The following MAVS variants were observed in gnomAD, a reference collection of about 807,000 sequenced individuals.
MAVS encodes the protein mitochondrial antiviral-signaling protein.
Under a neutral mutation model 30.2 loss-of-function variants are expected in MAVS, and 20 were observed. That is an observed-to-expected ratio of 0.66 (90% confidence interval 0.47 to 0.96). MAVS has a LOEUF of 0.96. Ranked by LOEUF, MAVS falls within the 40% of genes least tolerant of loss-of-function variation. MAVS has a pLI of 0.00. For missense variants in MAVS, 624 were observed against 701.1 expected, an observed-to-expected ratio of 0.89 and a Z score of 1.24; for synonymous variants, 278 against 293.9, an observed-to-expected ratio of 0.95 and a Z score of 0.55.
rs2089792528 is a variant in MAVS at position 3,854,563 on chromosome 20, T to C, written c.-62T>C. On this transcript the variant is annotated 5_prime_UTR_variant, in exon 2 of 7. Coordinates refer to ENST00000428216, the MANE Select transcript of MAVS (RefSeq NM_020746.5). ...TGTGATCTGTTTTCTTCCAGTCTCG[T>C]TTCCTCTCAGTCCATCCACCCTTCA... 8.4e-7 allele frequency: 1 copy of C among 1,189,456 alleles called. No homozygotes were observed. 73.7% of individuals were successfully genotyped at this position (1,189,456 alleles called of 1,614,324 possible).
Position 3,861,416 on chromosome 20 carries a change from A to C in MAVS, c.377A>C (p.His126Pro). Residue 126 changes from histidine to proline, a missense_variant, in exon 4 of 7, where the codon CAC becomes CCC. Transcript: ENST00000428216. The stretch of plus-strand genomic sequence containing the variant: ...GGGCCCCCCACACCTGCTGCGGCCC[A>C]CAGCATCCCCTACAACAGCTGCAGA... ...RPGPPTPAAAHSIPYNSCREK... is the reference protein window; with the variant it reads ...RPGPPTPAAAPSIPYNSCREK... 3.7e-6 allele frequency: 6 copies of C among 1,614,004 alleles called. No individual in the cohort carries two copies. The highest frequency in any genetic ancestry group is 5.1e-6 in the Non-Finnish European group (6 of 1,179,954).
chr20:3,875,923 C>G lies in MAVS; in HGVS notation c.*9776C>G, dbSNP rs745922082. On this transcript the variant is annotated 3_prime_UTR_variant, in exon 7 of 7. Coordinates refer to ENST00000428216, the MANE Select transcript of MAVS (RefSeq NM_020746.5). Reference sequence around the variant, plus strand: ...TGTATTTAACATAAGAAAGAAAAACCCTTTCATTATCACATACAGCTGGAA... The same window carrying G: ...TGTATTTAACATAAGAAAGAAAAACGCTTTCATTATCACATACAGCTGGAA... 6 of 152,450 alleles carry G rather than the reference C, an allele frequency of 3.9e-5. No homozygotes were observed. The highest frequency in any genetic ancestry group is 2.1e-4 in the South Asian group (1 of 4,824). 9.4% of individuals were successfully genotyped at this position (152,450 alleles called of 1,614,324 possible). A position where few individuals can be genotyped will look rare whatever the true frequency, so the allele number is the denominator to read the frequency against.
chr20:3,854,573 GTCCA>G lies in MAVS; in HGVS notation c.-47_-44del. On this transcript the variant is annotated 5_prime_UTR_variant, in exon 2 of 7. Coordinates refer to ENST00000428216, the MANE Select transcript of MAVS (RefSeq NM_020746.5). ...TTTCTTCCAGTCTCGTTTCCTCTCAGTCCATCCACCCTTCATGGGGCCAGAGCCC... is the reference window on the plus strand; with the variant it reads ...TTTCTTCCAGTCTCGTTTCCTCTCAGTCCACCCTTCATGGGGCCAGAGCCC... 1 of 1,317,928 alleles carries G rather than the reference GTCCA, an allele frequency of 7.6e-7. No homozygotes were observed. The highest frequency in any genetic ancestry group is 1.1e-6 in the Non-Finnish European group (1 of 921,970). 81.6% of individuals were successfully genotyped at this position (1,317,928 alleles called of 1,614,324 possible). A position where few individuals can be genotyped will look rare whatever the true frequency, so the allele number is the denominator to read the frequency against.
rs766733618 is a variant in MAVS at position 3,864,267 on chromosome 20, A to G, written c.637A>G (p.Ser213Gly). 6.2e-7 allele frequency: 1 copy of G among 1,605,136 alleles called. No individual in the cohort carries two copies. The highest frequency in any genetic ancestry group is 1.3e-5 in the African/African-American group (1 of 74,634). Residue 213 changes from serine to glycine, a missense_variant, in exon 6 of 7, where the codon AGC (serine) becomes GGC (glycine). Transcript: ENST00000428216. ...TTTTCCACCGGCAGGTGCGACCTCC[A>G]GCCTCACACCATCCCGTGGGCCTGT... ...GSTHTAGATSSLTPSRGPVSP... is the reference protein window; with the variant it reads ...GSTHTAGATSGLTPSRGPVSP...
In MAVS at chr20:3,848,309, G is replaced by T. The variant is rs1378891161; in HGVS notation, c.-68+1406G>T. On this transcript the variant is annotated intron_variant, in intron 1 of 6. Transcript: ENST00000428216. The stretch of plus-strand genomic sequence containing the variant: ...AGACGGGGTTTCACCATGTTGGCCA[G>T]GCTGGTCTCAAACTCCTGACCTCAA... Among the ~76,000 whole-genome samples the T allele has an allele frequency of 2.0e-5, 3 of 152,134 alleles. No individual in the cohort carries two copies. In the East Asian group the frequency reaches 5.8e-4, roughly 29 times the overall value.
Position 3,874,427 on chromosome 20 carries a change from T to G in MAVS, c.*8280T>G. 1 of 391,502 alleles carries G rather than the reference T, an allele frequency of 2.6e-6. No homozygotes were observed. The highest frequency in any genetic ancestry group is 4.5e-6 in the Non-Finnish European group (1 of 221,840). The allele number at this position is 391,502 out of a possible 1,614,324, so 24.3% of individuals were successfully genotyped here. On this transcript the variant is annotated 3_prime_UTR_variant, in exon 7 of 7. Coordinates refer to ENST00000428216, the MANE Select transcript of MAVS (RefSeq NM_020746.5). ...GCAGAGAGGCCATTTGGTCAAAGTT[T>G]GCAAAGGAGTCAGCCATGATTGCTT...
At chr20:3,862,552 C>T in intron 5 of MAVS, 139 bp downstream of exon 5, 1 of 883,196 alleles carries the variant, frequency 1.1e-6, no homozygotes, top group South Asian at 2.2e-5. Flanking sequence ...AAACCAGTTC[C>T]TTAGTGGGTG....
chr20:3,862,652 C>T (rs1302017511), intron 5 of MAVS, among the ~76,000 whole-genome samples: 1 of 152,144 alleles, frequency 6.6e-6, no homozygotes, highest in Non-Finnish European at 1.5e-5. Flanking sequence ...ATTTATTTAG[C>T]ATATGATCCT....
Position 3,854,679 on chromosome 20 carries a change from T to G in MAVS, c.55T>G (p.Phe19Val). The change falls in exon 2 of 7, where the codon TTT (phenylalanine) becomes GTT (valine). Residue 19 changes from phenylalanine to valine, a missense_variant. Transcript: ENST00000428216. ...GTATATCTGCCGCAATTTCAGCAAT[T>G]TTTGCAATGTGGATGTTGTAGAGAT... ...YKYICRNFSN[F>V]CNVDVVEILP... 1 of 1,613,914 alleles carries G rather than the reference T, an allele frequency of 6.2e-7. No homozygotes were observed. The highest frequency in any genetic ancestry group is 1.3e-5 in the African/African-American group (1 of 74,998).
chr20:3,853,131 G>A (rs1218551181), intron 1 of MAVS, among the ~76,000 whole-genome samples: 2 of 144,384 alleles, frequency 1.4e-5, no homozygotes, highest in Non-Finnish European at 3.0e-5. Flanking sequence ...GAGCCACCGC[G>A]CCCGGGTTCT....
At chr20:3,858,481 C>T (rs2089832445) in intron 3 of MAVS, among the ~76,000 whole-genome samples, 1 of 151,910 alleles carries the variant, frequency 6.6e-6, no homozygotes, top group Non-Finnish European at 1.5e-5. Flanking sequence ...AGATGGAGAC[C>T]ACCCTGGCTA....
intron 1 of MAVS, 117 bp from the exon 2 acceptor site, chr20:3,854,441 A>AAAAAAAATAT: frequency 2.7e-6 from 1 of 373,626 alleles, no homozygotes. Context: ...AAAAAAAAGA[A>AAAAAAAATAT]GAAATTAAAG....
intron 1 of MAVS, among the ~76,000 whole-genome samples, chr20:3,850,094 CG>C (rs2089744540): frequency 6.7e-6 from 1 of 149,464 alleles, no homozygotes; most frequent in South Asian, 2.1e-4. Flanking sequence ...CTGGCTAACA[CG>C]GTGAAACCTG....
intron 1 of MAVS, among the ~76,000 whole-genome samples, chr20:3,852,453 T>A (rs973460772): frequency 1.3e-5 from 2 of 152,184 alleles, no homozygotes; most frequent in African/African-American, 4.8e-5. Context: ...GTTCACTTTT[T>A]ATTTTTTCAG....
rs137912639 is a variant in MAVS at position 3,849,145 on chromosome 20, A to G, written c.-68+2242A>G. 1.1e-4 allele frequency among the ~76,000 whole-genome samples: 17 copies of G among 150,712 alleles called. No homozygotes were observed. In the East Asian group the frequency reaches 2.7e-3, roughly 24 times the overall value. ...AGAGTCCTTTCCTACAGCACTCTAC[A>G]TGAGTGGCCCCTGCCACCTCCTTGA... is the stretch of plus-strand genomic sequence containing the variant. On this transcript the variant is annotated intron_variant, in intron 1 of 6. Coordinates refer to ENST00000428216, the MANE Select transcript of MAVS (RefSeq NM_020746.5).
Position 3,874,190 on chromosome 20 carries a change from T to C in MAVS, c.*8043T>C, listed in dbSNP as rs180746520. ...GTCCTCATCATCAAGAGAGAATTCATTGTATGATTCTCTTCCTACAAAAAG... is the reference window on the plus strand; with the variant it reads ...GTCCTCATCATCAAGAGAGAATTCACTGTATGATTCTCTTCCTACAAAAAG... On this transcript the variant is annotated 3_prime_UTR_variant, in exon 7 of 7. Transcript: ENST00000428216. 4.5e-5 allele frequency: 18 copies of C among 398,584 alleles called. No individual in the cohort carries two copies. The highest frequency in any genetic ancestry group is 3.3e-4 in the African/African-American group (16 of 48,740). The allele number at this position is 398,584 out of a possible 1,614,324, so 24.7% of individuals were successfully genotyped here.
rs1246595491 is a variant in MAVS at position 3,872,853 on chromosome 20, C to T, written c.*6706C>T. On this transcript the variant is annotated 3_prime_UTR_variant, in exon 7 of 7. Transcript: ENST00000428216. ...TATTTGCACCTACATGTGCAGAGCA[C>T]TGTGATAGGCCTCAGTGACACAGAA... 6.6e-6 allele frequency: 1 copy of T among 152,284 alleles called. No individual in the cohort carries two copies. The highest frequency in any genetic ancestry group is 1.9e-4 in the East Asian group (1 of 5,278). 9.4% of individuals were successfully genotyped at this position (152,284 alleles called of 1,614,324 possible).
rs912481071 is a variant in MAVS at position 3,874,049 on chromosome 20, C to G, written c.*7902C>G. 1.0e-5 allele frequency: 4 copies of G among 398,212 alleles called. No individual in the cohort carries two copies. Among genetic ancestry groups the G allele is most frequent in the Middle Eastern group, 1.2e-3 (2 of 1,610 alleles). The allele number at this position is 398,212 out of a possible 1,614,324, so 24.7% of individuals were successfully genotyped here. On this transcript the variant is annotated 3_prime_UTR_variant, in exon 7 of 7. Coordinates refer to ENST00000428216, the MANE Select transcript of MAVS (RefSeq NM_020746.5). ...AAATGTCCATCCACAGTTGAAGCTA[C>G]AGTGAAGTCACAGGGTCGAATACTA... is the stretch of plus-strand genomic sequence containing the variant.
Position 3,873,303 on chromosome 20 carries a change from G to C in MAVS, c.*7156G>C, listed in dbSNP as rs909577407. On this transcript the variant is annotated 3_prime_UTR_variant, in exon 7 of 7. Coordinates refer to ENST00000428216, the MANE Select transcript of MAVS (RefSeq NM_020746.5). ...ATCCCAGCACTTTGGGATGCTGGCA[G>C]GGGGCAGATCACTTGAAGCCAGGAG... The C allele has an allele frequency of 6.6e-6, 1 of 152,128 alleles. No individual in the cohort carries two copies. The highest frequency in any genetic ancestry group is 1.5e-5 in the Non-Finnish European group (1 of 68,042). The allele number at this position is 152,128 out of a possible 1,614,324, so 9.4% of individuals were successfully genotyped here.
Sources: gnomAD v4.1 joint callset for allele counts (sites outside exome capture counted in the v4.1 genomes callset) on GRCh38, gnomAD v4.1.1 for gene constraint, MANE v1.5 for transcripts, NCBI Gene and HGNC (gene_info 2026-07-23, HGNC 2026-07-21) for gene names.